The following UIMC1 variants were observed in gnomAD, a reference collection of about 807,000 sequenced individuals.
The protein encoded by UIMC1 is BRCA1-A complex subunit RAP80.
A neutral mutation model predicts 84.9 loss-of-function variants in UIMC1; 42 were observed. The observed-to-expected ratio is 0.49, with a 90% confidence interval of 0.39 to 0.64. The LOEUF is 0.64. UIMC1 is among the 30% of genes least tolerant of loss of function. The pLI is 0.00. For missense variants in UIMC1, 825 were observed against 847.6 expected, an observed-to-expected ratio of 0.97 and a Z score of 0.33; for synonymous variants, 281 against 293.0, an observed-to-expected ratio of 0.96 and a Z score of 0.42.
chr5:176,979,542 G>A (rs999995590), intron 2 of UIMC1, among the ~76,000 whole-genome samples: 1 of 151,430 alleles, frequency 6.6e-6, no homozygotes, highest in South Asian at 2.1e-4. Flanking sequence ...GGCGGACGTC[G>A]CAGTGAGCCG....
At chr5:176,972,566 T>C (rs903478587) in intron 3 of UIMC1, among the ~76,000 whole-genome samples, 2 of 151,732 alleles carry the variant, frequency 1.3e-5, no homozygotes, top group Non-Finnish European at 2.9e-5. Flanking sequence ...TGAAACCTCA[T>C]CTCTACTAAA....
At chr5:177,004,246 G>C (rs1312628698) in intron 1 of UIMC1, among the ~76,000 whole-genome samples, 1 of 152,110 alleles carries the variant, frequency 6.6e-6, no homozygotes, top group African/African-American at 2.4e-5. Flanking sequence ...GGTTTTCAAA[G>C]AATCACAGCA....
rs551108502 is a variant in UIMC1 at position 176,968,520 on chromosome 5, A to T, written c.1200+35T>A. 1.3e-5 allele frequency: 20 copies of T among 1,544,102 alleles called. 2 individuals are homozygous for T. Among genetic ancestry groups the T allele is most frequent in the Middle Eastern group, 3.5e-4 (2 of 5,674 alleles). ...ATAATCCTTGTTTTAATCTGTGAAT[A>T]AATCATCCTTAATTACAGCATCACT... On this transcript the variant is annotated intron_variant, in intron 6 of 14. Transcript: ENST00000511320.
intron 1 of UIMC1, among the ~76,000 whole-genome samples, chr5:177,014,061 T>C (rs1036473561): frequency 1.4e-5 from 2 of 145,244 alleles, no homozygotes; most frequent in Non-Finnish European, 3.0e-5. Flanking sequence ...TCTTTTCTTT[T>C]TTTTTTTTTT....
intron 2 of UIMC1, among the ~76,000 whole-genome samples, chr5:176,981,058 C>T (rs1770960427): frequency 6.6e-6 from 1 of 151,868 alleles, no homozygotes; most frequent in African/African-American, 2.4e-5. Flanking sequence ...TTGTTTTCTT[C>T]TCTATACGCT....
At chr5:176,927,347 G>A (rs1393764935) in intron 10 of UIMC1, among the ~76,000 whole-genome samples, 1 of 151,922 alleles carries the variant, frequency 6.6e-6, no homozygotes, top group Non-Finnish European at 1.5e-5. Context: ...TCCACCTCCT[G>A]GGTTCAAGCG....
intron 10 of UIMC1, among the ~76,000 whole-genome samples, chr5:176,925,956 T>C (rs918091666): frequency 2.0e-5 from 3 of 152,152 alleles, no homozygotes; most frequent in African/African-American, 7.2e-5. Context: ...CGCAACTTAC[T>C]TTGCAAAGCA....
upstream of UIMC1, among the ~76,000 whole-genome samples, chr5:177,011,393 G>A (rs971241514): frequency 6.6e-6 from 1 of 151,884 alleles, no homozygotes; most frequent in African/African-American, 2.4e-5. Flanking sequence ...TCCAGCCTGG[G>A]CAACATAGTG....
rs75624474 is a variant in UIMC1, at chr5:176,960,168, C to T, written c.1201-2014G>A. Among the ~76,000 whole-genome samples, 1,429 of 152,216 alleles carry T rather than the reference C, an allele frequency of 9.4e-3. 26 individuals are homozygous for T. The highest frequency in any genetic ancestry group is 0.033 in the African/African-American group (1,351 of 41,520). On this transcript the variant is annotated intron_variant, in intron 6 of 14. Coordinates refer to ENST00000511320, the MANE Select transcript of UIMC1 (RefSeq NM_001199298.2). ...ATTATTTTAAAAATAAGTGAAACTT[C>T]GAGAGGTTAAATAATTTGCCCTAAA...
At chr5:176,997,671 C>T (rs189603133) in intron 1 of UIMC1, among the ~76,000 whole-genome samples, 7 of 117,620 alleles carry the variant, frequency 6.0e-5, no homozygotes, top group African/African-American at 1.3e-4. Context: ...GGCAACAGAG[C>T]GAGACTCTGT....
chr5:176,943,218 C>T, intron 10 of UIMC1, 117 bp downstream of exon 10: 1 of 1,328,326 alleles, frequency 7.5e-7, no homozygotes, highest in Non-Finnish European at 1.0e-6. Flanking sequence ...AAACCCAAGA[C>T]CAACAACAAC....
intron 6 of UIMC1, among the ~76,000 whole-genome samples, chr5:176,965,929 T>C (rs1768228371): frequency 6.6e-6 from 1 of 152,226 alleles, no homozygotes; most frequent in Admixed American, 6.5e-5. Flanking sequence ...TAATGTATTA[T>C]TTTAAGAAGC....
rs1775131955 is a variant in UIMC1, at chr5:177,005,555, T to A, written c.-9+1095A>T. Among the ~76,000 whole-genome samples, 7 of 151,688 alleles carry A rather than the reference T, an allele frequency of 4.6e-5. No homozygotes were observed. In the South Asian group the frequency reaches 1.5e-3, roughly 32 times the overall value. On this transcript the variant is annotated intron_variant, in intron 1 of 14. Transcript: ENST00000511320. ...AATCCAAACACTTTAGTATCTAGTA[T>A]CACAACAACTCTGCGTCGTAGGTAT...
At chr5:176,950,514 T>C (rs1021309365) in intron 9 of UIMC1, among the ~76,000 whole-genome samples, 1 of 152,118 alleles carries the variant, frequency 6.6e-6, no homozygotes, top group Non-Finnish European at 1.5e-5. Context: ...AACAGATTTT[T>C]AAGATTTAAA....
At chr5:176,986,406 C>T (rs1247999083) in intron 1 of UIMC1, among the ~76,000 whole-genome samples, 2 of 138,378 alleles carry the variant, frequency 1.4e-5, no homozygotes, top group Non-Finnish European at 3.1e-5. Flanking sequence ...CACTGGTGAG[C>T]ACCTACAGTC....
intron 10 of UIMC1, among the ~76,000 whole-genome samples, chr5:176,937,360 T>C (rs888639752): frequency 6.6e-6 from 1 of 152,060 alleles, no homozygotes; most frequent in African/African-American, 2.4e-5. Flanking sequence ...CCGAGCGTGG[T>C]AGCAGGCGCC....
rs761524883 is a variant in UIMC1 at position 176,982,466 on chromosome 5, A to C, written c.147+3T>G. 6 of 1,611,256 alleles carry C rather than the reference A, an allele frequency of 3.7e-6. No homozygotes were observed. In the African/African-American group the frequency reaches 8.0e-5, roughly 22 times the overall value. On this transcript the variant is annotated splice_donor_region_variant and intron_variant, in intron 2 of 14. Transcript: ENST00000511320. Reference sequence around the variant, plus strand: ...CTCTACTTTTCAGCTCTACTTCACTAACCTCTCCATCACTATCGGATATCA... The same window carrying C: ...CTCTACTTTTCAGCTCTACTTCACTCACCTCTCCATCACTATCGGATATCA...
rs776687514 is a variant in UIMC1 at position 176,943,444 on chromosome 5, G to T, written c.1488C>A (p.Thr496=). The change falls in exon 10 of 15, where the codon ACC becomes ACA. Residue 496 remains threonine, a synonymous_variant. Coordinates refer to ENST00000511320, the MANE Select transcript of UIMC1 (RefSeq NM_001199298.2). Reference sequence around the variant, plus strand: ...AGGATACCTGGTTACTGGATGAGAAGGTAGAAATAGCTACTTCCTTCTCAG... The same window carrying T: ...AGGATACCTGGTTACTGGATGAGAATGTAGAAATAGCTACTTCCTTCTCAG... ...EDAEKEVAIS[T]FSSSNQVSCP... 2 of 1,614,084 alleles carry T rather than the reference G, an allele frequency of 1.2e-6. No individual in the cohort carries two copies. The highest frequency in any genetic ancestry group is 1.7e-6 in the Non-Finnish European group (2 of 1,180,006).
chr5:177,022,238 G>C (rs564718043), intron 1 of UIMC1, among the ~76,000 whole-genome samples: 2 of 152,288 alleles, frequency 1.3e-5, no homozygotes, highest in African/African-American at 4.8e-5. Flanking sequence ...TACAGGTCCG[G>C]AGTCTCGGGG....
Sources: allele counts gnomAD v4.1 joint callset (sites outside exome capture counted in the v4.1 genomes callset), GRCh38; gene constraint gnomAD v4.1.1; transcripts MANE v1.5; gene names NCBI Gene and HGNC (gene_info 2026-07-23, HGNC 2026-07-21).